PON2: variants seen among roughly 807,000 people sequenced by gnomAD.
PON2 encodes the protein serum paraoxonase/arylesterase 2.
In PON2, 27 loss-of-function variants were observed where a neutral mutation model predicts 36.6. The ratio of observed to expected loss-of-function variants is 0.74; its 90% confidence interval spans 0.54 to 1.02. PON2 has a LOEUF of 1.02. PON2 is among the 50% of genes least tolerant of loss of function. The pLI is 0.00. For synonymous variants in PON2, 149 were observed against 156.3 expected, an observed-to-expected ratio of 0.95 and a Z score of 0.35; for missense variants, 363 against 421.1, an observed-to-expected ratio of 0.86 and a Z score of 1.21.
intron 3 of PON2, chr7:95,415,149 G>A (rs1444221758): frequency 6.6e-6 from 1 of 152,180 alleles, no homozygotes; most frequent in Non-Finnish European, 1.5e-5. Context: ...AATAATTACA[G>A]TCAGGTGTCA....
At chr7:95,419,903 C>G (rs899732799) in intron 2 of PON2, among the ~76,000 whole-genome samples, 2 of 152,184 alleles carry the variant, frequency 1.3e-5, no homozygotes, top group Non-Finnish European at 2.9e-5. Flanking sequence ...ATAAACATCT[C>G]TTTTCTAAGT....
chr7:95,420,956 G>C (rs552211422), intron 2 of PON2, among the ~76,000 whole-genome samples: 1 of 152,012 alleles, frequency 6.6e-6, no homozygotes, highest in African/African-American at 2.4e-5. Flanking sequence ...ACGTTCATAT[G>C]GTGTGTGCTA....
intron 2 of PON2, among the ~76,000 whole-genome samples, chr7:95,419,221 T>C (rs1339283373): frequency 6.6e-6 from 1 of 152,184 alleles, no homozygotes; most frequent in Non-Finnish European, 1.5e-5. Context: ...TTTCTTTAAG[T>C]CTACCCCGTG....
At position 95,416,101 on chromosome 7, in the gene PON2, T is replaced by G. The variant is rs1789056236; in HGVS notation, c.201+141A>C. 3.5e-6 allele frequency: 5 copies of G among 1,443,364 alleles called. No homozygotes were observed. The South Asian group carries it at 6.4e-5, about 18-fold the overall frequency. The allele number at this position is 1,443,364 out of a possible 1,614,324, so 89.4% of individuals were successfully genotyped here. A position where few individuals can be genotyped will look rare whatever the true frequency, so the allele number is the denominator to read the frequency against. The stretch of plus-strand genomic sequence containing the variant: ...ACATTTAGAAAAGCTGGAGGAAGTT[T>G]TCCAAGATCTTGTTTGACCTCTCTT... On this transcript the variant is annotated intron_variant, in intron 3 of 8. Coordinates refer to ENST00000222572, the MANE Select transcript of PON2 (RefSeq NM_000305.3).
intron 1 of PON2, among the ~76,000 whole-genome samples, chr7:95,429,710 CT>C (rs1302845275): frequency 3.9e-5 from 6 of 152,224 alleles, no homozygotes; most frequent in Non-Finnish European, 8.8e-5. Context: ...TACTTCTCTG[CT>C]TTTGAAATTT....
chr7:95,417,726 C>CA lies in PON2; in HGVS notation c.146-1430_146-1429insT, dbSNP rs56020343. On this transcript the variant is annotated intron_variant, in intron 2 of 8. Transcript: ENST00000222572. Reference sequence around the variant, plus strand: ...ACACACACACACACACACACACACACCGAGAGAGAATTCTAGTCCAGGTTT... The same window carrying CA: ...ACACACACACACACACACACACACACACGAGAGAGAATTCTAGTCCAGGTTT... 4.6e-3 allele frequency among the ~76,000 whole-genome samples: 686 copies of CA among 148,494 alleles called. 6 individuals are homozygous for CA. The highest frequency in any genetic ancestry group is 0.016 in the African/African-American group (639 of 39,744).
chr7:95,426,377 G>C (rs780259201), intron 1 of PON2, among the ~76,000 whole-genome samples: 5 of 152,152 alleles, frequency 3.3e-5, no homozygotes, highest in Non-Finnish European at 7.4e-5. Flanking sequence ...TAATAAAAAA[G>C]TATAATTTAC....
At chr7:95,410,286 T>G (rs1788890353) in intron 5 of PON2, among the ~76,000 whole-genome samples, 185 bp from the exon 6 acceptor site, 1 of 152,244 alleles carries the variant, frequency 6.6e-6, no homozygotes, top group South Asian at 2.1e-4. Flanking sequence ...AGAACAATTT[T>G]GTATGGTACC....
At chr7:95,416,318 TA>T in intron 2 of PON2, 21 bp from the exon 3 acceptor site, 2 of 1,612,266 alleles carry the variant, frequency 1.2e-6, no homozygotes, top group African/African-American at 1.3e-5. Context: ...AAGGAACAGA[TA>T]AATGTCATGT....
chr7:95,413,351 G>A (rs554681582), intron 3 of PON2, among the ~76,000 whole-genome samples: 15 of 152,054 alleles, frequency 9.9e-5, no homozygotes, highest in East Asian at 5.8e-4. Flanking sequence ...TCTTTTTCTC[G>A]TTTTACTGAA....
chr7:95,420,235 A>C (rs1789161730), intron 2 of PON2, among the ~76,000 whole-genome samples: 1 of 152,090 alleles, frequency 6.6e-6, no homozygotes, highest in Non-Finnish European at 1.5e-5. Context: ...TTTCCCCTCA[A>C]TCTCCCAAGC....
chr7:95,426,825 C>T (rs1789328315), intron 1 of PON2, among the ~76,000 whole-genome samples: 1 of 152,242 alleles, frequency 6.6e-6, no homozygotes, highest in Non-Finnish European at 1.5e-5. Context: ...CAATTTTACA[C>T]AACTTACTAC....
chr7:95,424,058 G>A lies in PON2; in HGVS notation c.145+457C>T, dbSNP rs1007260396. On this transcript the variant is annotated intron_variant, in intron 2 of 8. Coordinates refer to ENST00000222572, the MANE Select transcript of PON2 (RefSeq NM_000305.3). ...GGAACTACAATTCAAGATGAGATTCGGGTGGGGACACAACCAAACCATATT... is the reference window on the plus strand; with the variant it reads ...GGAACTACAATTCAAGATGAGATTCAGGTGGGGACACAACCAAACCATATT... 5.0e-5 allele frequency: 9 copies of A among 181,232 alleles called. No homozygotes were observed. The East Asian group carries it at 1.0e-3, about 20-fold the overall frequency. The allele number at this position is 181,232 out of a possible 1,614,324, so 11.2% of individuals were successfully genotyped here.
chr7:95,420,029 C>A (rs1180192977), intron 2 of PON2, among the ~76,000 whole-genome samples: 1 of 152,180 alleles, frequency 6.6e-6, no homozygotes, highest in African/African-American at 2.4e-5. Flanking sequence ...ATTAGTCACC[C>A]TGGGAAAAGA....
intron 7 of PON2, among the ~76,000 whole-genome samples, chr7:95,406,720 T>C (rs903629479): frequency 2.6e-5 from 4 of 152,206 alleles, no homozygotes; most frequent in African/African-American, 7.2e-5. Context: ...AAAATTCTTA[T>C]TGGAATTCTT....
intron 2 of PON2, among the ~76,000 whole-genome samples, chr7:95,418,762 T>A (rs181952024): frequency 6.6e-6 from 1 of 152,328 alleles, no homozygotes; most frequent in Admixed American, 6.5e-5. Context: ...CTTAATACTG[T>A]GGGCTGATTT....
intron 1 of PON2, among the ~76,000 whole-genome samples, chr7:95,424,935 G>A (rs1247105328): frequency 1.3e-5 from 2 of 152,138 alleles, no homozygotes; most frequent in Admixed American, 1.3e-4. Context: ...AGTTCCAGAT[G>A]TAGAACCAGT....
rs772303220 is a variant in PON2, at chr7:95,417,716, C to CACACACACACACACACACACACACAG, written c.146-1420_146-1419insCTGTGTGTGTGTGTGTGTGTGTGTGT. Among the ~76,000 whole-genome samples, 7 of 148,720 alleles carry CACACACACACACACACACACACACAG rather than the reference C, an allele frequency of 4.7e-5. No homozygotes were observed. The East Asian group carries it at 5.9e-4, about 13-fold the overall frequency. ...ACACACACACACACACACACACACA[C>CACACACACACACACACACACACACAG]ACACACACACCGAGAGAGAATTCTA... On this transcript the variant is annotated intron_variant, in intron 2 of 8. Transcript: ENST00000222572.
rs374047966 is a variant in PON2, at chr7:95,407,066, T to C, written c.698A>G (p.Tyr233Cys). The C allele has an allele frequency of 1.9e-6, 3 of 1,586,220 alleles. No individual in the cohort carries two copies. The highest frequency in any genetic ancestry group is 2.6e-6 in the Non-Finnish European group (3 of 1,155,302). Residue 233 changes from tyrosine to cysteine, a missense_variant and splice_region_variant, in exon 7 of 9, where the codon TAT becomes TGT. Transcript: ENST00000222572. Reference protein sequence around the residue: ...NGINISPDDKYIYVADILAHE... With the variant: ...NGINISPDDKCIYVADILAHE... Reference sequence around the variant, plus strand: ...AGCCAATATGTCAGCAACATAGATATACCTTTGCAGAAAGGACACAGTGGT... The same window carrying C: ...AGCCAATATGTCAGCAACATAGATACACCTTTGCAGAAAGGACACAGTGGT...
Sources: gnomAD v4.1 joint callset for allele counts (sites outside exome capture counted in the v4.1 genomes callset) on GRCh38, gnomAD v4.1.1 for gene constraint, MANE v1.5 for transcripts, NCBI Gene and HGNC (gene_info 2026-07-23, HGNC 2026-07-21) for gene names.